C10orf90: variants seen among roughly 807,000 people sequenced by gnomAD.
C10orf90 encodes the protein chromosome 10 open reading frame 90, also known as (E2-independent) E3 ubiquitin-conjugating enzyme FATS.
C10orf90 carries 56 observed loss-of-function variants against 62.5 expected under a neutral mutation model. That is an observed-to-expected ratio of 0.90 (90% CI 0.72 to 1.12). The LOEUF (loss-of-function observed/expected upper bound fraction) is 1.12. Among genes scored for constraint, C10orf90 ranks in the 50% most tolerant of loss-of-function variants. The pLI is 0.00. For synonymous variants in C10orf90, 386 were observed against 340.4 expected, an observed-to-expected ratio of 1.13 and a Z score of -1.47; for missense variants, 970 against 880.4, an observed-to-expected ratio of 1.10 and a Z score of -1.29.
intron 4 of C10orf90, among the ~76,000 whole-genome samples, chr10:126,468,625 G>A (rs1179953830): frequency 1.3e-5 from 2 of 152,196 alleles, no homozygotes; most frequent in Admixed American, 1.3e-4. Context: ...TGGATTTTCT[G>A]TTCCTGACCT....
intron 7 of C10orf90, among the ~76,000 whole-genome samples, chr10:126,454,844 G>A (rs1859439434): frequency 6.6e-6 from 1 of 152,142 alleles, no homozygotes; most frequent in South Asian, 2.1e-4. Context: ...TGATGGGGAA[G>A]CCTTGCTTAT....
At chr10:126,451,456 A>G (rs993703308) in intron 7 of C10orf90, among the ~76,000 whole-genome samples, 2 of 151,980 alleles carry the variant, frequency 1.3e-5, no homozygotes, top group Middle Eastern at 3.2e-3. Context: ...TGAATAGAGA[A>G]AATGTAGTGT....
intron 2 of C10orf90, among the ~76,000 whole-genome samples, chr10:126,633,581 G>A (rs189186480): frequency 3.9e-5 from 6 of 152,320 alleles, no homozygotes; most frequent in East Asian, 1.9e-4. Flanking sequence ...GCGTGGGGAC[G>A]GGCTGAGCAT....
At chr10:126,560,180 C>T (rs2133986810) in intron 2 of C10orf90, among the ~76,000 whole-genome samples, 1 of 152,294 alleles carries the variant, frequency 6.6e-6, no homozygotes, top group South Asian at 2.1e-4. Context: ...GCAAGAATTA[C>T]TTTCAGAAGG....
At chr10:126,544,271 A>G (rs1864440371) in intron 2 of C10orf90, among the ~76,000 whole-genome samples, 1 of 152,138 alleles carries the variant, frequency 6.6e-6, no homozygotes, top group Admixed American at 6.5e-5. Flanking sequence ...ATAGACCATG[A>G]CTGTAAATAT....
At chr10:126,543,931 C>T (rs76732835) in intron 2 of C10orf90, among the ~76,000 whole-genome samples, 2,565 of 152,184 alleles carry the variant, frequency 0.017, 61 homozygotes, top group African/African-American at 0.052. Context: ...ACCAGGGTCG[C>T]GGTGACATGT....
chr10:126,582,486 G>A (rs1334122931), intron 2 of C10orf90, among the ~76,000 whole-genome samples: 1 of 152,196 alleles, frequency 6.6e-6, no homozygotes, highest in Admixed American at 6.5e-5. Context: ...AACCTGCTGA[G>A]ACACCAGCGT....
At chr10:126,426,176 C>G (rs1400127841) in intron 8 of C10orf90, 86 bp from the exon 9 acceptor site, 1 of 1,085,354 alleles carries the variant, frequency 9.2e-7, no homozygotes, top group Non-Finnish European at 1.4e-6. Context: ...ACGGCAGGCT[C>G]TTACATTTCA....
At chr10:126,436,507 C>G (rs2134006172) in intron 7 of C10orf90, among the ~76,000 whole-genome samples, 1 of 152,240 alleles carries the variant, frequency 6.6e-6, no homozygotes, top group African/African-American at 2.4e-5. Flanking sequence ...TTTGGCTTGC[C>G]TGAGCCTCCA....
At chr10:126,563,643 T>C (rs11245044) in intron 2 of C10orf90, among the ~76,000 whole-genome samples, 24,963 of 152,116 alleles carry the variant, frequency 0.16, 2,192 homozygotes, top group East Asian at 0.34. Context: ...GATGAGCAAA[T>C]ATCCTGTCTG....
At chr10:126,438,434 GA>G (rs1377973547) in intron 7 of C10orf90, among the ~76,000 whole-genome samples, 17 of 152,026 alleles carry the variant, frequency 1.1e-4, no homozygotes, top group Non-Finnish European at 1.6e-4. Flanking sequence ...GGAAATTTAG[GA>G]AAAACAGGAT....
At chr10:126,510,700 T>C (rs978566352) in intron 3 of C10orf90, among the ~76,000 whole-genome samples, 16 of 152,378 alleles carry the variant, frequency 1.1e-4, no homozygotes, top group African/African-American at 3.8e-4. Flanking sequence ...AGATATTGAT[T>C]TCTCTTAAAT....
intron 2 of C10orf90, among the ~76,000 whole-genome samples, chr10:126,627,517 G>A (rs969252290): frequency 6.6e-6 from 1 of 151,686 alleles, no homozygotes. Context: ...TGGAAATCAT[G>A]GCTGAAATTC....
chr10:126,636,019 C>T (rs536497139), intron 2 of C10orf90, among the ~76,000 whole-genome samples: 1 of 152,128 alleles, frequency 6.6e-6, no homozygotes, highest in Admixed American at 6.5e-5. Flanking sequence ...GGAGAAGGTT[C>T]CGGGAGGTTT....
rs1226662889 is a variant in C10orf90, at chr10:126,648,852, CTCTATCAAG to C, written c.241-2224_241-2216del. Among the ~76,000 whole-genome samples the C allele has an allele frequency of 5.3e-5, 8 of 152,178 alleles. No homozygotes were observed. In the South Asian group the frequency reaches 1.2e-3, roughly 24 times the overall value. ...ATTGTTATGCATATTTTTAATGTAA[CTCTATCAAG>C]TCTAGCAAGTTAGTTAACCTGGGAT... On this transcript the variant is annotated intron_variant, in intron 1 of 9. Transcript: ENST00000488181.
At chr10:126,461,307 C>A in intron 6 of C10orf90, 94 bp downstream of exon 6, 1 of 1,428,174 alleles carries the variant, frequency 7.0e-7, no homozygotes, top group Non-Finnish European at 9.5e-7. Context: ...AGGTTTCCAG[C>A]CTCAGAGGTG....
At position 126,593,866 on chromosome 10, in the gene C10orf90, A is replaced by G. The variant is rs185555413; in HGVS notation, c.313+52699T>C. Among the ~76,000 whole-genome samples, 1,022 of 152,154 alleles carry G rather than the reference A, an allele frequency of 6.7e-3. 4 individuals carry two copies. Among genetic ancestry groups the G allele is most frequent in the Non-Finnish European group, 0.011 (777 of 68,004 alleles). On this transcript the variant is annotated intron_variant, in intron 2 of 9. Coordinates refer to ENST00000488181, the MANE Select transcript of C10orf90 (RefSeq NM_001350921.2). ...GGTGTATCATATTTATGCTCCACAA[A>G]CAGTATCCTAGGTCTTCCAGGCAGG... is the stretch of plus-strand genomic sequence containing the variant.
chr10:126,652,403 C>A (rs1233596549), intron 1 of C10orf90, among the ~76,000 whole-genome samples: 1 of 152,188 alleles, frequency 6.6e-6, no homozygotes, highest in Non-Finnish European at 1.5e-5. Flanking sequence ...GCAGTTCAAT[C>A]TATCTGTCTC....
At chr10:126,530,736 C>A (rs1864069751) in intron 2 of C10orf90, among the ~76,000 whole-genome samples, 1 of 151,874 alleles carries the variant, frequency 6.6e-6, no homozygotes, top group Admixed American at 6.6e-5. Flanking sequence ...TTCTATCAAA[C>A]TTTTCAGGAA....
Sources: allele counts gnomAD v4.1 joint callset (sites outside exome capture counted in the v4.1 genomes callset), GRCh38; gene constraint gnomAD v4.1.1; transcripts MANE v1.5; gene names NCBI Gene and HGNC (gene_info 2026-07-23, HGNC 2026-07-21).